Variants in GOLM2 observed in about 807,000 individuals in gnomAD.
The protein encoded by GOLM2 is protein GOLM2.
GOLM2 carries 26 observed loss-of-function variants against 55.9 expected under a neutral mutation model. That is an observed-to-expected ratio of 0.47 (90% confidence interval 0.34 to 0.65). The LOEUF is 0.65. GOLM2 is among the 30% of genes least tolerant of loss of function. The pLI is 0.01. For synonymous variants in GOLM2, 165 were observed against 194.6 expected (o/e 0.85, Z 1.27); for missense variants, 486 against 531.8 (o/e 0.91, Z 0.85).
intron 7 of GOLM2, among the ~76,000 whole-genome samples, 198 bp downstream of exon 7, chr15:44,379,986 C>G (rs2079391453): frequency 6.6e-6 from 1 of 151,966 alleles, no homozygotes; most frequent in African/African-American, 2.4e-5. Flanking sequence ...GATTGTTAGT[C>G]TTTTTCTTAA....
At chr15:44,329,218 G>C (rs2079005292) in intron 3 of GOLM2, among the ~76,000 whole-genome samples, 1 of 152,196 alleles carries the variant, frequency 6.6e-6, no homozygotes, top group Non-Finnish European at 1.5e-5. Context: ...CCCTCTTGCT[G>C]ATACCTCTAC....
At chr15:44,306,324 T>C (rs1208003411) in intron 1 of GOLM2, among the ~76,000 whole-genome samples, 1 of 152,106 alleles carries the variant, frequency 6.6e-6, no homozygotes, top group East Asian at 1.9e-4. Flanking sequence ...TTAAACTTCA[T>C]GAACCAACCT....
At chr15:44,398,270 T>C (rs1199099085) in intron 8 of GOLM2, among the ~76,000 whole-genome samples, 1 of 152,246 alleles carries the variant, frequency 6.6e-6, no homozygotes, top group East Asian at 1.9e-4. Context: ...TTTTCCTTAC[T>C]AAGTTATAGG....
chr15:44,380,664 T>TAA, intron 7 of GOLM2, 142 bp from the exon 8 acceptor site: 2 of 523,774 alleles, frequency 3.8e-6, no homozygotes, highest in Middle Eastern at 5.6e-4. Context: ...GAATAAACCT[T>TAA]TAAAAAAAAA....
intron 6 of GOLM2, among the ~76,000 whole-genome samples, chr15:44,348,269 C>T (rs185205218): frequency 9.9e-5 from 15 of 151,790 alleles, no homozygotes; most frequent in South Asian, 2.1e-4. Flanking sequence ...CAGGCCTTAG[C>T]TCCTGGATGG....
chr15:44,344,640 G>C (rs1453946416), intron 6 of GOLM2, among the ~76,000 whole-genome samples: 1 of 151,972 alleles, frequency 6.6e-6, no homozygotes, highest in Non-Finnish European at 1.5e-5. Context: ...ATCCAGGCTA[G>C]AGTACAGTGG....
chr15:44,358,481 A>G (rs550539536), intron 6 of GOLM2, among the ~76,000 whole-genome samples: 4 of 152,338 alleles, frequency 2.6e-5, no homozygotes, highest in South Asian at 4.1e-4. Context: ...AGCTACAGTA[A>G]TCAAGACAGT....
intron 6 of GOLM2, among the ~76,000 whole-genome samples, chr15:44,343,815 C>G (rs1595637226): frequency 6.9e-6 from 1 of 145,672 alleles, no homozygotes; most frequent in East Asian, 2.0e-4. Context: ...CAGAGTGAGA[C>G]TCTGTCTCAA....
intron 9 of GOLM2, among the ~76,000 whole-genome samples, chr15:44,410,003 T>A (rs2079626640): frequency 6.6e-6 from 1 of 152,090 alleles, no homozygotes; most frequent in Non-Finnish European, 1.5e-5. Flanking sequence ...TATCCACTGC[T>A]ACATGATGAT....
At chr15:44,379,386 G>A (rs1050724508) in intron 6 of GOLM2, among the ~76,000 whole-genome samples, 55 of 152,064 alleles carry the variant, frequency 3.6e-4, no homozygotes, top group Admixed American at 3.6e-3. Context: ...CTGAGGCAGG[G>A]AGAATCGCTG....
chr15:44,315,847 G>A (rs1341784814), intron 1 of GOLM2, among the ~76,000 whole-genome samples: 1 of 152,168 alleles, frequency 6.6e-6, no homozygotes, highest in Non-Finnish European at 1.5e-5. Flanking sequence ...GCGATAACAA[G>A]GGGAAATAAA....
intron 1 of GOLM2, among the ~76,000 whole-genome samples, chr15:44,310,454 C>CTCTCTATA (rs1187338800): frequency 1.4e-5 from 2 of 142,606 alleles, no homozygotes; most frequent in Non-Finnish European, 3.0e-5. Context: ...CTCTCTCTCT[C>CTCTCTATA]TATATATATA....
intron 6 of GOLM2, among the ~76,000 whole-genome samples, chr15:44,377,553 T>C (rs998189081): frequency 5.3e-5 from 8 of 151,882 alleles, no homozygotes; most frequent in Non-Finnish European, 1.0e-4. Flanking sequence ...TTGTATTTTT[T>C]AGTAGAGATG....
chr15:44,294,466 G>A (rs572622383), intron 1 of GOLM2, among the ~76,000 whole-genome samples: 146 of 152,052 alleles, frequency 9.6e-4, no homozygotes, highest in African/African-American at 3.4e-3. Flanking sequence ...TGTAATCCCA[G>A]CACTTTGGGA....
At chr15:44,379,890 C>T in intron 7 of GOLM2, 102 bp downstream of exon 7, 1 of 574,788 alleles carries the variant, frequency 1.7e-6, no homozygotes, top group East Asian at 3.1e-5. Flanking sequence ...AGTGAAATAG[C>T]ATTTATTCTT....
chr15:44,310,232 A>C (rs1428090104), intron 1 of GOLM2, among the ~76,000 whole-genome samples: 1 of 151,934 alleles, frequency 6.6e-6, no homozygotes, highest in Admixed American at 6.6e-5. Flanking sequence ...GCATAGTCAC[A>C]GTCTTAATTT....
chr15:44,385,718 T>C (rs2079439798), intron 8 of GOLM2, among the ~76,000 whole-genome samples: 1 of 151,934 alleles, frequency 6.6e-6, no homozygotes, highest in African/African-American at 2.4e-5. Flanking sequence ...GGCTAGTGTA[T>C]GTATTTATTT....
intron 1 of GOLM2, among the ~76,000 whole-genome samples, chr15:44,319,373 C>T (rs891732257): frequency 1.1e-4 from 16 of 151,572 alleles, no homozygotes; most frequent in Admixed American, 3.3e-4. Flanking sequence ...CCACCATGCT[C>T]GACTAATCTG....
intron 6 of GOLM2, among the ~76,000 whole-genome samples, chr15:44,342,085 A>G (rs1370633860): frequency 6.6e-6 from 1 of 152,124 alleles, no homozygotes; most frequent in Non-Finnish European, 1.5e-5. Context: ...TGAACTTGCC[A>G]TATGCAACTT....
Sources: gnomAD v4.1 joint callset for allele counts (sites outside exome capture counted in the v4.1 genomes callset) on GRCh38, gnomAD v4.1.1 for gene constraint, MANE v1.5 for transcripts, NCBI Gene and HGNC (gene_info 2026-07-23, HGNC 2026-07-21) for gene names.